The following TRIM5 variants were observed in gnomAD, a reference collection of about 807,000 sequenced individuals.
TRIM5 encodes tripartite motif-containing protein 5.
A neutral mutation model predicts 35.6 loss-of-function variants in TRIM5; 31 were observed. That is an observed-to-expected ratio of 0.87 (90% CI 0.65 to 1.18). The LOEUF is 1.18. Among genes scored for constraint, TRIM5 ranks in the 50% most tolerant of loss-of-function variants. The pLI is 0.00. For missense variants in TRIM5, 609 were observed against 591.6 expected (o/e 1.03, Z -0.31); for synonymous variants, 243 against 215.6 (o/e 1.13, Z -1.11).
At chr11:5,589,329 T>C in the TRIM5 span, 2 of 151,936 alleles carry the variant, frequency 1.3e-5, no homozygotes, top group Non-Finnish European at 2.9e-5. Context: ...GTTAATATAA[T>C]TTATTATGGA....
At chr11:5,648,640 T>A in the TRIM5 span, among the ~76,000 whole-genome samples, 3 of 152,168 alleles carry the variant, frequency 2.0e-5, no homozygotes, top group African/African-American at 7.2e-5. Context: ...AAAATAAGCA[T>A]AAGACCCAGA....
chr11:5,669,199 C>G (rs1273975012), intron 4 of TRIM5, among the ~76,000 whole-genome samples: 1 of 151,994 alleles, frequency 6.6e-6, no homozygotes, highest in Non-Finnish European at 1.5e-5. Context: ...CCTGCCTCAG[C>G]CTCCTGAGTA....
the TRIM5 span, among the ~76,000 whole-genome samples, chr11:5,639,420 C>T: frequency 6.6e-6 from 1 of 151,990 alleles, no homozygotes; most frequent in East Asian, 1.9e-4. Flanking sequence ...GTGGCTCACA[C>T]CTGTAATCCC....
the TRIM5 span, among the ~76,000 whole-genome samples, chr11:5,607,156 A>T: frequency 2.0e-5 from 3 of 152,150 alleles, no homozygotes; most frequent in African/African-American, 7.2e-5. Flanking sequence ...GTGAGCCGAG[A>T]TCGCACCACT....
the TRIM5 span, among the ~76,000 whole-genome samples, chr11:5,621,687 G>A: frequency 2.8e-4 from 43 of 152,280 alleles, no homozygotes; most frequent in African/African-American, 1.0e-3. Context: ...GAACTGCTTA[G>A]GGCAAACCTG....
Position 5,674,392 on chromosome 11 carries a change from C to T in TRIM5, c.744+3812G>A, listed in dbSNP as rs61639923. The stretch of plus-strand genomic sequence containing the variant: ...ATAACACAGAAAGAAGAAAAAGACT[C>T]ATGGAAGAATGTAGGAAGGACAGTT... On this transcript the variant is annotated intron_variant, in intron 4 of 7. Coordinates refer to ENST00000380034, the MANE Select transcript of TRIM5 (RefSeq NM_033034.3). Among the ~76,000 whole-genome samples, 326 of 152,358 alleles carry T rather than the reference C, an allele frequency of 2.1e-3. 1 individual carries two copies. The highest frequency in any genetic ancestry group is 7.3e-3 in the African/African-American group (304 of 41,576).
At chr11:5,627,027 C>T in the TRIM5 span, among the ~76,000 whole-genome samples, 1 of 152,070 alleles carries the variant, frequency 6.6e-6, no homozygotes, top group Non-Finnish European at 1.5e-5. Flanking sequence ...TTGACATCTG[C>T]TTTAAGGTGA....
downstream of TRIM5, chr11:5,663,149 C>A (rs370264168): frequency 1.4e-6 from 1 of 715,544 alleles, no homozygotes; most frequent in Non-Finnish European, 1.7e-6. Context: ...AACAAACAAA[C>A]AAACAAACAA....
chr11:5,596,700 C>T, the TRIM5 span: 1 of 789,468 alleles, frequency 1.3e-6, no homozygotes, highest in Non-Finnish European at 2.0e-6. Flanking sequence ...GTTCAACGGC[C>T]AAAGGCTGGC....
chr11:5,609,782 G>T, the TRIM5 span, among the ~76,000 whole-genome samples: 1 of 152,092 alleles, frequency 6.6e-6, no homozygotes, highest in African/African-American at 2.4e-5. Context: ...AATTAGCCAG[G>T]CGTGGTGGCA....
the TRIM5 span, among the ~76,000 whole-genome samples, chr11:5,648,398 C>A: frequency 8.5e-5 from 13 of 152,142 alleles, no homozygotes; most frequent in Admixed American, 5.2e-4. Flanking sequence ...CCCAGCTACT[C>A]AGTTGGCTGA....
At chr11:5,623,705 C>T in the TRIM5 span, among the ~76,000 whole-genome samples, 17 of 151,976 alleles carry the variant, frequency 1.1e-4, no homozygotes, top group Admixed American at 8.5e-4. Flanking sequence ...TTTCAAAAGC[C>T]GCAATTACTT....
chr11:5,611,263 A>T, the TRIM5 span: 11 of 1,613,872 alleles, frequency 6.8e-6, no homozygotes, highest in Non-Finnish European at 9.3e-6. Context: ...TCTAAATATT[A>T]CTTTCCCACT....
At chr11:5,651,846 G>A in the TRIM5 span, among the ~76,000 whole-genome samples, 1 of 152,038 alleles carries the variant, frequency 6.6e-6, no homozygotes, top group Non-Finnish European at 1.5e-5. Flanking sequence ...TTAGACTGGT[G>A]GGAGATGGTA....
downstream of TRIM5, among the ~76,000 whole-genome samples, chr11:5,658,634 T>G (rs2133994707): frequency 6.6e-6 from 1 of 152,332 alleles, no homozygotes; most frequent in South Asian, 2.1e-4. Context: ...CAGGTTTACT[T>G]GATTTTCACA....
At chr11:5,642,930 C>A in the TRIM5 span, 2 of 1,559,222 alleles carry the variant, frequency 1.3e-6, no homozygotes, top group East Asian at 2.3e-5. Flanking sequence ...ATCTTAGCCT[C>A]ATGCATTCTC....
At chr11:5,609,694 G>A in the TRIM5 span, among the ~76,000 whole-genome samples, 1 of 152,144 alleles carries the variant, frequency 6.6e-6, no homozygotes, top group East Asian at 1.9e-4. Flanking sequence ...AGGCTGAGGA[G>A]GGCAGATCAC....
chr11:5,605,689 A>C, the TRIM5 span: 4 of 1,202,468 alleles, frequency 3.3e-6, no homozygotes, highest in Non-Finnish European at 4.5e-6. Context: ...CTTTGGCGCT[A>C]TAGTGCCTAT....
At chr11:5,663,177 A>G (rs1850892100), downstream of TRIM5, 1 of 885,758 alleles carries the variant, frequency 1.1e-6, no homozygotes, top group Non-Finnish European at 1.4e-6. Flanking sequence ...CAACACCATA[A>G]TGGATTACCC....
Sources: gnomAD v4.1 joint callset for allele counts (sites outside exome capture counted in the v4.1 genomes callset) on GRCh38, gnomAD v4.1.1 for gene constraint, MANE v1.5 for transcripts, NCBI Gene and HGNC (gene_info 2026-07-23, HGNC 2026-07-21) for gene names.